The following INTS15 variants were observed in gnomAD, a reference collection of about 807,000 sequenced individuals.
INTS15 encodes uncharacterized protein C7orf26.
chr7:6,594,280 A>T, the INTS15 span: 1 of 713,468 alleles, frequency 1.4e-6, no homozygotes, highest in Non-Finnish European at 2.3e-6. Flanking sequence ...TGTTGGGATT[A>T]CAGATATGAG....
chr7:6,590,398 A>T, the INTS15 span: 1 of 1,606,912 alleles, frequency 6.2e-7, no homozygotes, highest in East Asian at 2.2e-5. Context: ...GCCGCTGCCC[A>T]TCGTGGACAA....
At chr7:6,602,618 C>T in the INTS15 span, 1 of 465,302 alleles carries the variant, frequency 2.1e-6, no homozygotes, top group Non-Finnish European at 4.5e-6. Context: ...TATGCCTCAG[C>T]TTACCCCGTT....
At chr7:6,600,150 T>C in the INTS15 span, 8 of 1,614,080 alleles carry the variant, frequency 5.0e-6, no homozygotes, top group Admixed American at 1.3e-4. Context: ...CTCATGACGC[T>C]GCAGCTGCAC....
chr7:6,593,135 T>C, the INTS15 span, among the ~76,000 whole-genome samples: 1 of 152,180 alleles, frequency 6.6e-6, no homozygotes, highest in Non-Finnish European at 1.5e-5. Flanking sequence ...AGCTGGCAGA[T>C]GTTTTATGTA....
chr7:6,599,907 CT>C, the INTS15 span: 2 of 1,614,194 alleles, frequency 1.2e-6, no homozygotes, highest in South Asian at 1.1e-5. Flanking sequence ...ATTCTCATCA[CT>C]TTTTTAAATA....
At chr7:6,591,928 T>G in the INTS15 span, 1 of 1,512,896 alleles carries the variant, frequency 6.6e-7, no homozygotes, top group Admixed American at 1.7e-5. Flanking sequence ...TCCCAGCACT[T>G]TGGGAAGCTG....
At chr7:6,600,627 G>A in the INTS15 span, among the ~76,000 whole-genome samples, 5 of 151,976 alleles carry the variant, frequency 3.3e-5, no homozygotes, top group Admixed American at 3.3e-4. Context: ...TCCTTCCAAG[G>A]AACCCTTTTT....
the INTS15 span, among the ~76,000 whole-genome samples, chr7:6,604,647 G>A: frequency 6.6e-6 from 1 of 152,216 alleles, no homozygotes; most frequent in Non-Finnish European, 1.5e-5. Context: ...GCCGTGTCAG[G>A]TCCAGCAGCA....
the INTS15 span, among the ~76,000 whole-genome samples, chr7:6,598,364 G>A: frequency 1.3e-5 from 2 of 151,088 alleles, no homozygotes; most frequent in South Asian, 4.2e-4. Flanking sequence ...AGCTACTCGG[G>A]ATGCTGAGAC....
At chr7:6,602,208 C>A in the INTS15 span, 1 of 1,384,636 alleles carries the variant, frequency 7.2e-7, no homozygotes, top group Non-Finnish European at 1.0e-6. Context: ...CAAGACAGGG[C>A]GAGCCCCTTT....
the INTS15 span, among the ~76,000 whole-genome samples, chr7:6,597,651 TG>T: frequency 6.6e-6 from 1 of 152,164 alleles, no homozygotes; most frequent in East Asian, 1.9e-4. Flanking sequence ...GGCCTTACCA[TG>T]GGGAAGGGAT....
the INTS15 span, chr7:6,602,064 C>T: frequency 2.5e-6 from 4 of 1,592,916 alleles, no homozygotes; most frequent in Non-Finnish European, 3.4e-6. Flanking sequence ...GTGTTGTCTC[C>T]AGTATGTTCA....
At chr7:6,594,501 C>G in the INTS15 span, 1 of 1,614,102 alleles carries the variant, frequency 6.2e-7, no homozygotes, top group African/African-American at 1.3e-5. Flanking sequence ...CTGTTTGGTG[C>G]CGGGATCCAT....
chr7:6,602,080 C>G, the INTS15 span: 30 of 1,610,094 alleles, frequency 1.9e-5, no homozygotes, highest in Non-Finnish European at 2.5e-5. Context: ...GTTCATTAAT[C>G]TTGTATCTCC....
chr7:6,594,403 G>A, the INTS15 span: 1 of 1,612,720 alleles, frequency 6.2e-7, no homozygotes, highest in Non-Finnish European at 8.5e-7. Flanking sequence ...CACGACATCT[G>A]TAGTTAAGTG....
At chr7:6,592,504 T>C in the INTS15 span, among the ~76,000 whole-genome samples, 1 of 151,310 alleles carries the variant, frequency 6.6e-6, no homozygotes, top group African/African-American at 2.4e-5. Flanking sequence ...GAGGCGGAGG[T>C]TGCCGTGAGC....
At chr7:6,602,008 C>T in the INTS15 span, 17 of 1,156,098 alleles carry the variant, frequency 1.5e-5, no homozygotes, top group Non-Finnish European at 1.9e-5. Context: ...GGCGCTCTTG[C>T]TGTCTTGCTA....
the INTS15 span, among the ~76,000 whole-genome samples, chr7:6,598,733 C>CTT: frequency 2.0e-5 from 1 of 50,884 alleles, no homozygotes; most frequent in Admixed American, 2.2e-4. Context: ...GGGCTGTATG[C>CTT]TTTGTGTGTG....
the INTS15 span, chr7:6,607,622 T>A: frequency 2.1e-6 from 3 of 1,440,244 alleles, no homozygotes; most frequent in South Asian, 3.6e-5. The surrounding 1 kb of genome is among the most constrained non-coding windows in gnomAD (Gnocchi z 6.0). Flanking sequence ...TTCTCGGCTC[T>A]GAGGAGACTG....
Sources: allele counts gnomAD v4.1 joint callset (sites outside exome capture counted in the v4.1 genomes callset), GRCh38; gene constraint gnomAD v4.1.1; non-coding constraint Gnocchi (gnomAD v3.1); transcripts MANE v1.5; gene names NCBI Gene and HGNC (gene_info 2026-07-23, HGNC 2026-07-21).